Variants in OR5H1 observed in about 807,000 individuals in gnomAD.
OR5H1 encodes olfactory receptor family 5 subfamily H member 1, also known as olfactory receptor 5H1.
For missense variants in OR5H1, 378 were observed against 366.8 expected, an observed-to-expected ratio of 1.03 and a Z score of -0.25; for synonymous variants, 124 against 134.4, an observed-to-expected ratio of 0.92 and a Z score of 0.54.
In OR5H1 at chr3:98,133,529, T is replaced by A. The variant is rs1237929799; in HGVS notation, c.832T>A (p.Tyr278Asn). Residue 278 changes from tyrosine to asparagine, a missense_variant, in exon 2 of 2, where the codon TAC becomes AAC. Coordinates refer to ENST00000641874, the MANE Select transcript of OR5H1 (RefSeq NM_001005338.2). ...DDQDMVEPLF[Y>N]TVIIPLLNPI... ...TCAAGATATGGTGGAGCCTCTATTC[T>A]ACACTGTCATCATTCCTTTGTTAAA... 2 of 1,613,302 alleles carry A rather than the reference T, an allele frequency of 1.2e-6. No homozygotes were observed. Among genetic ancestry groups the A allele is most frequent in the African/African-American group, 2.7e-5 (2 of 74,874 alleles).
At position 98,136,286 on chromosome 3, in the gene OR5H1, T is replaced by G. The variant is rs1384481343; in HGVS notation, c.*2647T>G. The G allele has an allele frequency of 6.6e-6, 1 of 152,190 alleles. No homozygotes were observed. Among genetic ancestry groups the G allele is most frequent in the Non-Finnish European group, 1.5e-5 (1 of 68,044 alleles). 9.4% of individuals were successfully genotyped at this position (152,190 alleles called of 1,614,324 possible). A position where few individuals can be genotyped will look rare whatever the true frequency, so the allele number is the denominator to read the frequency against. ...AAGTGCAAGTTGGAATAGGAATTGA[T>G]CATCTCTTTTTAAGAAGGCCTCATT... On this transcript the variant is annotated 3_prime_UTR_variant, in exon 2 of 2. Coordinates refer to ENST00000641874, the MANE Select transcript of OR5H1 (RefSeq NM_001005338.2).
At position 98,133,971 on chromosome 3, in the gene OR5H1, T is replaced by C. The variant is rs1576097598; in HGVS notation, c.*332T>C. ...AAGGACTTGAGTATGATGGTTTTGA[T>C]ACTAATACTACTGAATTACCTGCGA... On this transcript the variant is annotated 3_prime_UTR_variant, in exon 2 of 2. Transcript: ENST00000641874. The C allele has an allele frequency of 4.3e-6, 1 of 232,946 alleles. No individual in the cohort carries two copies. Among genetic ancestry groups the C allele is most frequent in the Non-Finnish European group, 8.5e-6 (1 of 117,966 alleles). 14.4% of individuals were successfully genotyped at this position (232,946 alleles called of 1,614,324 possible). A position where few individuals can be genotyped will look rare whatever the true frequency, so the allele number is the denominator to read the frequency against.
chr3:98,133,896 A>T lies in OR5H1; in HGVS notation c.*257A>T, dbSNP rs192256357. The T allele has an allele frequency of 2.4e-5, 8 of 332,608 alleles. No homozygotes were observed. In the Admixed American group the frequency reaches 3.2e-4, roughly 13 times the overall value. The allele number at this position is 332,608 out of a possible 1,614,324, so 20.6% of individuals were successfully genotyped here. On this transcript the variant is annotated 3_prime_UTR_variant, in exon 2 of 2. Coordinates refer to ENST00000641874, the MANE Select transcript of OR5H1 (RefSeq NM_001005338.2). Reference sequence around the variant, plus strand: ...ATTTAACAGTTGTATATGTTATTCAATGTGCATTTATAAATGCATTAATTG... The same window carrying T: ...ATTTAACAGTTGTATATGTTATTCATTGTGCATTTATAAATGCATTAATTG...
intron 1 of OR5H1, among the ~76,000 whole-genome samples, chr3:98,131,670 T>A (rs188934742): frequency 1.3e-5 from 2 of 152,048 alleles, no homozygotes; most frequent in African/African-American, 4.8e-5. Flanking sequence ...GGATGCATCA[T>A]CTTTAACTAT....
chr3:98,132,379 T>C (rs1186038308), intron 1 of OR5H1, among the ~76,000 whole-genome samples: 1 of 152,076 alleles, frequency 6.6e-6, no homozygotes, highest in African/African-American at 2.4e-5. Flanking sequence ...CCTGTTGACA[T>C]TGTATCATAT....
intron 1 of OR5H1, 119 bp downstream of exon 1, chr3:98,130,969 T>A (rs1192415460): frequency 6.6e-6 from 1 of 152,116 alleles, no homozygotes; most frequent in Non-Finnish European, 1.5e-5. Flanking sequence ...AGTCAGAAAC[T>A]GGATGACTCT....
Position 98,134,611 on chromosome 3 carries a change from G to A in OR5H1, c.*972G>A, listed in dbSNP as rs1329474361. Reference sequence around the variant, plus strand: ...GAGGAAGCAAAAACAAAAAAATGAGGTAAGATTTTGGAGATTTTTTGCCTC... The same window carrying A: ...GAGGAAGCAAAAACAAAAAAATGAGATAAGATTTTGGAGATTTTTTGCCTC... On this transcript the variant is annotated 3_prime_UTR_variant, in exon 2 of 2. Transcript: ENST00000641874. 6.6e-6 allele frequency: 1 copy of A among 152,020 alleles called. No homozygotes were observed. The highest frequency in any genetic ancestry group is 1.5e-5 in the Non-Finnish European group (1 of 67,948). 9.4% of individuals were successfully genotyped at this position (152,020 alleles called of 1,614,324 possible).
At chr3:98,131,938 G>A (rs1462626480) in intron 1 of OR5H1, among the ~76,000 whole-genome samples, 2 of 151,904 alleles carry the variant, frequency 1.3e-5, no homozygotes, top group African/African-American at 4.8e-5. Context: ...GAATTCTTTA[G>A]AATCTATTTC....
rs1402991682 is a variant in OR5H1 at position 98,133,220 on chromosome 3, C to T, written c.523C>T (p.His175Tyr). The T allele has an allele frequency of 1.2e-6, 2 of 1,612,642 alleles. No individual in the cohort carries two copies. Among genetic ancestry groups the T allele is most frequent in the Admixed American group, 1.7e-5 (1 of 59,870 alleles). Reference protein sequence around the residue: ...RLTFCNSNIVHHIYCDTIPLS... With the variant: ...RLTFCNSNIVYHIYCDTIPLS... ...AACCTTCTGTAACTCCAACATAGTA[C>T]ATCACATTTACTGTGACACTATCCC... The change falls in exon 2 of 2, where the codon CAT becomes TAT. Residue 175 changes from histidine (H) to tyrosine (Y), a missense_variant. Transcript: ENST00000641874.
chr3:98,132,403 T>C (rs1708266172), intron 1 of OR5H1, among the ~76,000 whole-genome samples: 1 of 152,070 alleles, frequency 6.6e-6, no homozygotes, highest in Non-Finnish European at 1.5e-5. Context: ...AGTCAAACAA[T>C]TTTTCTACTG....
In OR5H1 at chr3:98,135,392, C is replaced by G. The variant is rs1486073505; in HGVS notation, c.*1753C>G. On this transcript the variant is annotated 3_prime_UTR_variant, in exon 2 of 2. Transcript: ENST00000641874. ...CAAACCCACTTTGCTGGACCCACGT[C>G]AGCCTGATATACTTTTATTTAATTA... The G allele has an allele frequency of 6.6e-6, 1 of 152,134 alleles. No homozygotes were observed. The highest frequency in any genetic ancestry group is 1.5e-5 in the Non-Finnish European group (1 of 68,032). 9.4% of individuals were successfully genotyped at this position (152,134 alleles called of 1,614,324 possible).
rs1186195095 is a variant in OR5H1 at position 98,134,388 on chromosome 3, A to T, written c.*749A>T. On this transcript the variant is annotated 3_prime_UTR_variant, in exon 2 of 2. Coordinates refer to ENST00000641874, the MANE Select transcript of OR5H1 (RefSeq NM_001005338.2). ...GATTAAATAGAATAACTGCATTTGG[A>T]GTAGACATAGAGAAGAAATAAGTAT... The T allele has an allele frequency of 6.6e-6, 1 of 152,120 alleles. No homozygotes were observed. The highest frequency in any genetic ancestry group is 2.4e-5 in the African/African-American group (1 of 41,434). 9.4% of individuals were successfully genotyped at this position (152,120 alleles called of 1,614,324 possible).
In OR5H1 at chr3:98,136,650, T is replaced by TG. The variant is rs1438275420; in HGVS notation, c.*3016dup. ...TCGAAGATGGGAGGTGTTTGGGTCATGGGGGTCGATCTCTCATGAATGCCT... is the reference window on the plus strand; with the variant it reads ...TCGAAGATGGGAGGTGTTTGGGTCATGGGGGGTCGATCTCTCATGAATGCCT... On this transcript the variant is annotated 3_prime_UTR_variant, in exon 2 of 2. Coordinates refer to ENST00000641874, the MANE Select transcript of OR5H1 (RefSeq NM_001005338.2). 1 of 150,312 alleles carries TG rather than the reference T, an allele frequency of 6.7e-6. No homozygotes were observed. The highest frequency in any genetic ancestry group is 1.5e-5 in the Non-Finnish European group (1 of 67,872). The allele number at this position is 150,312 out of a possible 1,614,324, so 9.3% of individuals were successfully genotyped here. A position where few individuals can be genotyped will look rare whatever the true frequency, so the allele number is the denominator to read the frequency against.
intron 1 of OR5H1, among the ~76,000 whole-genome samples, chr3:98,132,202 T>G (rs777739102): frequency 2.0e-5 from 3 of 152,042 alleles, no homozygotes; most frequent in Non-Finnish European, 2.9e-5. Context: ...TTTCTTCTTC[T>G]TGCAGCATAT....
At chr3:98,132,258 T>C (rs1708264894) in intron 1 of OR5H1, among the ~76,000 whole-genome samples, 1 of 152,042 alleles carries the variant, frequency 6.6e-6, no homozygotes, top group Admixed American at 6.6e-5. Flanking sequence ...AGGATGTAAT[T>C]TCCCATCTTA....
chr3:98,132,540 A>C, intron 1 of OR5H1, 140 bp from the exon 2 acceptor site: 2 of 891,628 alleles, frequency 2.2e-6, no homozygotes, highest in Non-Finnish European at 1.7e-6. Context: ...TGCAACAAAT[A>C]GAGATTCATC....
intron 1 of OR5H1, among the ~76,000 whole-genome samples, chr3:98,131,986 A>G (rs1401569728): frequency 6.6e-6 from 1 of 152,192 alleles, no homozygotes; most frequent in East Asian, 1.9e-4. Context: ...TATCACACCA[A>G]GACCATACAT....
chr3:98,130,948 T>C (rs1401457360), intron 1 of OR5H1, 98 bp downstream of exon 1: 2 of 152,128 alleles, frequency 1.3e-5, no homozygotes, highest in African/African-American at 4.8e-5. Context: ...TAACAAGTTG[T>C]CATAATAGAA....
rs147608348 is a variant in OR5H1, at chr3:98,138,071, A to C, written c.*4432A>C. ...GATAGTGAAGGGAGTGGCTTTAATC[A>C]GATGGGAGCATCGATAGGCTAGCGT... On this transcript the variant is annotated 3_prime_UTR_variant, in exon 2 of 2. Coordinates refer to ENST00000641874, the MANE Select transcript of OR5H1 (RefSeq NM_001005338.2). 6.6e-6 allele frequency: 1 copy of C among 152,030 alleles called. No individual in the cohort carries two copies. Among genetic ancestry groups the C allele is most frequent in the Non-Finnish European group, 1.5e-5 (1 of 68,020 alleles). 9.4% of individuals were successfully genotyped at this position (152,030 alleles called of 1,614,324 possible). A position where few individuals can be genotyped will look rare whatever the true frequency, so the allele number is the denominator to read the frequency against.
Sources: allele counts gnomAD v4.1 joint callset (sites outside exome capture counted in the v4.1 genomes callset), GRCh38; gene constraint gnomAD v4.1.1; transcripts MANE v1.5; gene names NCBI Gene and HGNC (gene_info 2026-07-23, HGNC 2026-07-21).